SERPINB3: variants seen among roughly 807,000 people sequenced by gnomAD.
SERPINB3 encodes serpin family B member 3.
Under a neutral mutation model 33.0 loss-of-function variants are expected in SERPINB3, and 33 were observed. That is an observed-to-expected ratio of 1.00 (90% CI 0.76 to 1.34). SERPINB3 has a LOEUF of 1.34. SERPINB3 is among the 40% of genes most tolerant of loss of function. SERPINB3 has a pLI of 0.00. For synonymous variants in SERPINB3, 200 were observed against 170.9 expected (o/e 1.17, Z -1.33); for missense variants, 518 against 461.5 (o/e 1.12, Z -1.12).
At chr18:63,660,764 G>A (rs371707229) in intron 3 of SERPINB3, 36 bp downstream of exon 3, 7 of 1,612,692 alleles carry the variant, frequency 4.3e-6, no homozygotes, top group South Asian at 1.1e-5. Context: ...ACCTGTTCGG[G>A]GATCTAAAGC....
Position 63,655,998 on chromosome 18 carries a change from T to A in SERPINB3, c.832A>T (p.Thr278Ser). ...EWTSLQNMRE[T>S]RVDLHLPRFK... The stretch of plus-strand genomic sequence containing the variant: ...CGAGGTAAGTGTAAATCGACACGTG[T>A]CTCTCTCATATTCTGCAAACTTGTC... The change falls in exon 8 of 8, where the codon ACA (threonine) becomes TCA (serine). Residue 278 changes from threonine to serine, a missense_variant. Coordinates refer to ENST00000283752, the MANE Select transcript of SERPINB3 (RefSeq NM_006919.3). The A allele has an allele frequency of 6.2e-7, 1 of 1,613,970 alleles. No homozygotes were observed. The highest frequency in any genetic ancestry group is 1.1e-5 in the South Asian group (1 of 91,070).
chr18:63,660,073 A>G (rs944666499), intron 3 of SERPINB3, among the ~76,000 whole-genome samples: 1 of 152,136 alleles, frequency 6.6e-6, no homozygotes, highest in Admixed American at 6.6e-5. Context: ...TACATGGGTA[A>G]CTTTAAGTCT....
At position 63,661,213 on chromosome 18, in the gene SERPINB3, T is replaced by A. The variant is rs1913636826; in HGVS notation, c.4A>T (p.Asn2Tyr). 6.2e-7 allele frequency: 1 copy of A among 1,613,150 alleles called. No individual in the cohort carries two copies. The highest frequency in any genetic ancestry group is 1.7e-5 in the Admixed American group (1 of 59,946). The change falls in exon 2 of 8, where the codon AAT (asparagine) becomes TAT (tyrosine). Residue 2 changes from asparagine (N) to tyrosine (Y), a missense_variant. By Grantham distance (143) the Asn-to-Tyr change is moderately radical. Transcript: ENST00000283752. ...TTGGTGTTGGCTTCACTGAGTGAAT[T>A]CATGGTGAACTCGATGTGATCTGGA... MNSLSEANTKFM... is the reference protein window; with the variant it reads MYSLSEANTKFM...
intron 7 of SERPINB3, 112 bp from the exon 8 acceptor site, chr18:63,656,173 A>G: frequency 7.8e-7 from 1 of 1,277,640 alleles, no homozygotes; most frequent in Non-Finnish European, 1.1e-6. Context: ...TGTGAAATAC[A>G]GAAGGTTCAC....
intron 2 of SERPINB3, 78 bp downstream of exon 2, chr18:63,660,974 A>T (rs1913627734): frequency 3.1e-6 from 5 of 1,608,814 alleles, no homozygotes; most frequent in South Asian, 1.1e-5. Flanking sequence ...AGACCACCAC[A>T]TCTATTACCA....
chr18:63,659,433 T>C lies in SERPINB3; in HGVS notation c.317A>G (p.Lys106Arg). ...TDAYELKIAN[K>R]LFGEKTYLFL... ...TAGATACGTTTTTTCTCCGAAGAGC[T>C]TGTTGGCGATCTTCAGCTCATATGC... The change falls in exon 4 of 8, where the codon AAG becomes AGG. Residue 106 changes from lysine (K) to arginine (R), a missense_variant. Coordinates refer to ENST00000283752, the MANE Select transcript of SERPINB3 (RefSeq NM_006919.3). 1 of 1,613,612 alleles carries C rather than the reference T, an allele frequency of 6.2e-7. No individual in the cohort carries two copies. Among genetic ancestry groups the C allele is most frequent in the Non-Finnish European group, 8.5e-7 (1 of 1,179,656 alleles).
chr18:63,659,777 T>A (rs1568171775), intron 3 of SERPINB3, among the ~76,000 whole-genome samples: 1 of 152,226 alleles, frequency 6.6e-6, no homozygotes, highest in Non-Finnish European at 1.5e-5. Context: ...GATGCAGCAC[T>A]GTCTACCACT....
At chr18:63,656,425 G>A (rs936969041) in intron 7 of SERPINB3, among the ~76,000 whole-genome samples, 2 of 151,976 alleles carry the variant, frequency 1.3e-5, no homozygotes, top group Non-Finnish European at 2.9e-5. Flanking sequence ...ATTTTTAATA[G>A]GCTCATCTTA....
rs1913485198 is a variant in SERPINB3, at chr18:63,655,977, G to C, written c.853C>G (p.Pro285Ala). Residue 285 changes from proline to alanine, a missense_variant, in exon 8 of 8, where the codon CCT (proline) becomes GCT (alanine). By Grantham distance (27) the Pro-to-Ala change is conservative (BLOSUM62 -1). Transcript: ENST00000283752. ...TAGCTCTCTTCCACTTTGAACCGAG[G>C]TAAGTGTAAATCGACACGTGTCTCT... ...MRETRVDLHL[P>A]RFKVEESYDL... The C allele has an allele frequency of 1.9e-6, 3 of 1,613,968 alleles. No individual in the cohort carries two copies. The highest frequency in any genetic ancestry group is 1.7e-4 in the Middle Eastern group (1 of 6,060).
In SERPINB3 at chr18:63,661,227, A is replaced by G. The variant is rs894120894; in HGVS notation, c.-11T>C. The G allele has an allele frequency of 4.3e-6, 7 of 1,612,682 alleles. 1 individual carries two copies. In the African/African-American group the frequency reaches 9.4e-5, roughly 22 times the overall value. ...ACTGAGTGAATTCATGGTGAACTCG[A>G]TGTGATCTGGAACTCCTGGAAAAGC... On this transcript the variant is annotated 5_prime_UTR_variant, in exon 2 of 8. Transcript: ENST00000283752.
At chr18:63,656,729 A>T (rs558384100) in intron 7 of SERPINB3, 102 bp downstream of exon 7, 1 of 1,373,656 alleles carries the variant, frequency 7.3e-7, no homozygotes, top group African/African-American at 1.4e-5. Flanking sequence ...ATTTTTCATT[A>T]TTTTGAGGCA....
At position 63,656,820 on chromosome 18, in the gene SERPINB3, C is replaced by T. The variant is rs1231255500; in HGVS notation, c.768+11G>A. 1 of 1,589,100 alleles carries T rather than the reference C, an allele frequency of 6.3e-7. No individual in the cohort carries two copies. Among genetic ancestry groups the T allele is most frequent in the Non-Finnish European group, 8.6e-7 (1 of 1,163,822 alleles). The stretch of plus-strand genomic sequence containing the variant: ...GCAGTAGAAGGAAGAGTTGTAGATG[C>T]AAGTTCTTACCTTCTGGAGACCATC... On this transcript the variant is annotated intron_variant, in intron 7 of 7. Transcript: ENST00000283752.
intron 3 of SERPINB3, among the ~76,000 whole-genome samples, chr18:63,660,451 T>C (rs1913611392): frequency 6.6e-6 from 1 of 152,126 alleles, no homozygotes; most frequent in Admixed American, 6.6e-5. Flanking sequence ...TTGCATGTAT[T>C]GAGTCAGATT....
In SERPINB3 at chr18:63,655,652, T is replaced by C. The variant is rs375882446; in HGVS notation, c.*5A>G. 7.3e-5 allele frequency: 117 copies of C among 1,592,410 alleles called. 2 individuals carry two copies. Among genetic ancestry groups the C allele is most frequent in the Admixed American group, 2.7e-4 (16 of 58,570 alleles). On this transcript the variant is annotated 3_prime_UTR_variant, in exon 8 of 8. Transcript: ENST00000283752. ...TTTCCAAATGGAGTGACAGACTAAT[T>C]GCATCTACGGGGATGAGAATCTGCC...
In SERPINB3 at chr18:63,656,107, C is replaced by G. The variant is rs1442941117; in HGVS notation, c.769-46G>C. ...AACTGATATGACTAACTGTTGATTT[C>G]TAATACACCTTAACAATGAATTGAC... is the stretch of plus-strand genomic sequence containing the variant. On this transcript the variant is annotated intron_variant, in intron 7 of 7. Coordinates refer to ENST00000283752, the MANE Select transcript of SERPINB3 (RefSeq NM_006919.3). The G allele has an allele frequency of 2.5e-6, 4 of 1,580,824 alleles. No individual in the cohort carries two copies. In the Admixed American group the frequency reaches 7.1e-5, roughly 28 times the overall value.
intron 3 of SERPINB3, among the ~76,000 whole-genome samples, chr18:63,659,939 G>A (rs1391278462): frequency 1.3e-5 from 2 of 152,156 alleles, no homozygotes; most frequent in Admixed American, 1.3e-4. Flanking sequence ...ATGCCAGGAA[G>A]CCCTGTTATA....
chr18:63,661,544 A>G (rs1466694778), intron 1 of SERPINB3, among the ~76,000 whole-genome samples: 1 of 152,034 alleles, frequency 6.6e-6, no homozygotes, highest in Non-Finnish European at 1.5e-5. Flanking sequence ...ATGAATGCTA[A>G]CAGGAGACCT....
chr18:63,658,476 T>G (rs1568171205), intron 5 of SERPINB3, 37 bp downstream of exon 5: 3 of 1,563,662 alleles, frequency 1.9e-6, no homozygotes, highest in Non-Finnish European at 1.8e-6. Context: ...TCGCATAGAT[T>G]TCTCAAAGGT....
At position 63,655,948 on chromosome 18, in the gene SERPINB3, G is replaced by A. The variant is rs370963443; in HGVS notation, c.882C>T (p.Asp294=). Residue 294 remains aspartate (D), a synonymous_variant, in exon 8 of 8, where the codon GAC becomes GAT. Coordinates refer to ENST00000283752, the MANE Select transcript of SERPINB3 (RefSeq NM_006919.3). ...CCATGGTTCTCAACGTGTCCTTGAG[G>A]TCATAGCTCTCTTCCACTTTGAACC... ...LPRFKVEESY[D]LKDTLRTMGM... 1.9e-6 allele frequency: 3 copies of A among 1,613,998 alleles called. No homozygotes were observed. Among genetic ancestry groups the A allele is most frequent in the Non-Finnish European group, 2.5e-6 (3 of 1,179,946 alleles).
Sources: gnomAD v4.1 joint callset for allele counts (sites outside exome capture counted in the v4.1 genomes callset) on GRCh38, gnomAD v4.1.1 for gene constraint, MANE v1.5 for transcripts, NCBI Gene and HGNC (gene_info 2026-07-23, HGNC 2026-07-21) for gene names.